The following ZNF331 variants were observed in gnomAD, a reference collection of about 807,000 sequenced individuals.
ZNF331 encodes the protein C2H2-like zinc finger protein rearranged in thyroid adenomas.
Under a neutral mutation model 7.0 loss-of-function variants are expected in ZNF331, and 2 were observed. That is an observed-to-expected ratio of 0.29 (90% CI 0.12 to 0.90). The LOEUF (loss-of-function observed/expected upper bound fraction) is 0.90, where lower values mean the gene tolerates loss of function less well. Ranked by LOEUF, ZNF331 falls within the 40% of genes least tolerant of loss-of-function variation. ZNF331 has a pLI of 0.58. For missense variants in ZNF331, 432 were observed against 587.7 expected, an observed-to-expected ratio of 0.74 and a Z score of 2.74; for synonymous variants, 196 against 205.4, an observed-to-expected ratio of 0.95 and a Z score of 0.39.
At chr19:53,505,041 G>A in the ZNF331 span, among the ~76,000 whole-genome samples, 2 of 152,218 alleles carry the variant, frequency 1.3e-5, no homozygotes, top group East Asian at 1.9e-4. Context: ...AGGAAAGGAC[G>A]AAGAGTCCCC....
At chr19:53,513,548 C>A in the ZNF331 span, among the ~76,000 whole-genome samples, 1 of 152,080 alleles carries the variant, frequency 6.6e-6, no homozygotes, top group Non-Finnish European at 1.5e-5. Context: ...TACCTTTTGT[C>A]TTTTTAATAA....
At chr19:53,514,776 G>A (rs1235067852), upstream of ZNF331, among the ~76,000 whole-genome samples, 1 of 149,734 alleles carries the variant, frequency 6.7e-6, no homozygotes, top group Admixed American at 6.8e-5. Context: ...TCAGCCTCCC[G>A]AGTAGCTGGG....
At chr19:53,541,855 T>G (rs965105084) in intron 2 of ZNF331, among the ~76,000 whole-genome samples, 1 of 151,770 alleles carries the variant, frequency 6.6e-6, no homozygotes, top group Non-Finnish European at 1.5e-5. Context: ...AATAAAAAAT[T>G]GAAAAAGATT....
chr19:53,510,844 T>C, the ZNF331 span, among the ~76,000 whole-genome samples: 2 of 152,246 alleles, frequency 1.3e-5, no homozygotes, highest in Non-Finnish European at 1.5e-5. Flanking sequence ...AGAAATTTTC[T>C]ATTTAATTCT....
intron 3 of ZNF331, among the ~76,000 whole-genome samples, chr19:53,562,006 G>A (rs1312083906): frequency 6.6e-6 from 1 of 151,970 alleles, no homozygotes; most frequent in Non-Finnish European, 1.5e-5. Flanking sequence ...AAATTAGGCA[G>A]GCGTGGTGGC....
the ZNF331 span, among the ~76,000 whole-genome samples, chr19:53,505,478 C>G: frequency 6.6e-6 from 1 of 152,064 alleles, no homozygotes; most frequent in Admixed American, 6.6e-5. Flanking sequence ...GGATTACAGA[C>G]GTGAGCCACC....
intron 2 of ZNF331, among the ~76,000 whole-genome samples, chr19:53,526,832 G>A (rs921641581): frequency 1.3e-5 from 2 of 151,732 alleles, no homozygotes; most frequent in African/African-American, 2.4e-5. Flanking sequence ...GATTACAGGC[G>A]TGAGCCACCG....
At chr19:53,506,290 G>C in the ZNF331 span, among the ~76,000 whole-genome samples, 2 of 106,218 alleles carry the variant, frequency 1.9e-5, no homozygotes, top group Non-Finnish European at 3.8e-5. Context: ...AGCGGAGATC[G>C]CGCCACCGCA....
At chr19:53,548,056 A>G (rs1025709863) in intron 2 of ZNF331, among the ~76,000 whole-genome samples, 2 of 151,020 alleles carry the variant, frequency 1.3e-5, no homozygotes, top group African/African-American at 4.9e-5. Context: ...CAGCCTCCCA[A>G]GTAGCTGGGA....
At chr19:53,504,750 A>T in the ZNF331 span, among the ~76,000 whole-genome samples, 1 of 152,228 alleles carries the variant, frequency 6.6e-6, no homozygotes, top group African/African-American at 2.4e-5. Flanking sequence ...AAGTAAGGTT[A>T]AAATTTAAAA....
upstream of ZNF331, among the ~76,000 whole-genome samples, chr19:53,520,546 G>C (rs35087872): frequency 0.4 from 60,805 of 152,058 alleles, 12,368 homozygotes; most frequent in South Asian, 0.49. Flanking sequence ...TGAAGATTCT[G>C]CCAGTCTGAA....
At chr19:53,518,134 A>C (rs2086948253), upstream of ZNF331, among the ~76,000 whole-genome samples, 1 of 152,236 alleles carries the variant, frequency 6.6e-6, no homozygotes, top group Admixed American at 6.5e-5. Flanking sequence ...CAGCTCAGGT[A>C]GAACACAGAA....
chr19:53,569,316 G>A lies in ZNF331; in HGVS notation c.-61G>A, dbSNP rs543618630. 4.2e-5 allele frequency: 67 copies of A among 1,601,218 alleles called. No individual in the cohort carries two copies. The highest frequency in any genetic ancestry group is 4.0e-4 in the East Asian group (18 of 44,762). ...TTTCCACCCCTAGCTCTAGCCTCTC[G>A]GAATTTGTCTTCTTCAGTGGAAACC... is the stretch of plus-strand genomic sequence containing the variant. On this transcript the variant is annotated 5_prime_UTR_variant, in exon 4 of 6. Coordinates refer to ENST00000449416, the MANE Select transcript of ZNF331 (RefSeq NM_001079906.2).
At chr19:53,507,704 C>G in the ZNF331 span, among the ~76,000 whole-genome samples, 7 of 151,938 alleles carry the variant, frequency 4.6e-5, no homozygotes, top group South Asian at 2.1e-4. Context: ...TTCCGCTCAA[C>G]GGTCAGACTT....
upstream of ZNF331, among the ~76,000 whole-genome samples, chr19:53,535,212 C>T (rs2087700622): frequency 6.6e-6 from 1 of 151,956 alleles, no homozygotes; most frequent in African/African-American, 2.4e-5. Context: ...CTGCCTCAGC[C>T]TCCTGAGTAG....
At chr19:53,511,973 G>A in the ZNF331 span, 9 of 152,224 alleles carry the variant, frequency 5.9e-5, no homozygotes, top group Non-Finnish European at 1.5e-5. Context: ...GTTCTAGCAT[G>A]TATTAACACC....
At chr19:53,507,540 T>A in the ZNF331 span, among the ~76,000 whole-genome samples, 31 of 152,168 alleles carry the variant, frequency 2.0e-4, no homozygotes, top group Non-Finnish European at 3.7e-4. Flanking sequence ...GAAGCAAAGC[T>A]ATGGCATTAT....
At chr19:53,567,850 A>C (rs2090232106) in intron 3 of ZNF331, among the ~76,000 whole-genome samples, 21 of 151,864 alleles carry the variant, frequency 1.4e-4, no homozygotes, top group Admixed American at 1.4e-3. Flanking sequence ...TAAAAAAAAA[A>C]AACAAAAAAC....
At position 53,578,420 on chromosome 19, in the gene ZNF331, T is replaced by C; in HGVS notation, c.*468T>C. ...AAAGAAAAAAATCATATACTGAGGT[T>C]GCTAAGATCTACATGACAATAAGAT... On this transcript the variant is annotated 3_prime_UTR_variant, in exon 6 of 6. Transcript: ENST00000449416. The C allele has an allele frequency of 4.3e-6, 1 of 231,902 alleles. No individual in the cohort carries two copies. The highest frequency in any genetic ancestry group is 5.4e-5 in the Admixed American group (1 of 18,566). The allele number at this position is 231,902 out of a possible 1,614,324, so 14.4% of individuals were successfully genotyped here.
Sources: allele counts gnomAD v4.1 joint callset (sites outside exome capture counted in the v4.1 genomes callset), GRCh38; gene constraint gnomAD v4.1.1; transcripts MANE v1.5; gene names NCBI Gene and HGNC (gene_info 2026-07-23, HGNC 2026-07-21).